CA10: variants seen among roughly 807,000 people sequenced by gnomAD.
The protein encoded by CA10 is carbonic anhydrase 10 (inactive).
CA10 carries 14 observed loss-of-function variants against 44.2 expected under a neutral mutation model. The observed-to-expected ratio is 0.32, with a 90% CI of 0.21 to 0.50. The LOEUF (loss-of-function observed/expected upper bound fraction) is 0.50. CA10 is among the 20% of genes least tolerant of loss of function. CA10 has a pLI of 0.99. For missense variants in CA10, 350 were observed against 409.7 expected, an observed-to-expected ratio of 0.85 and a Z score of 1.26; for synonymous variants, 159 against 141.6, an observed-to-expected ratio of 1.12 and a Z score of -0.87.
At chr17:51,661,946 A>G (rs927586432) in intron 4 of CA10, 10 of 152,226 alleles carry the variant, frequency 6.6e-5, no homozygotes, top group African/African-American at 1.2e-4. Context: ...GCAGTCATGG[A>G]CAAAATATAA....
At chr17:52,020,120 G>T (rs905622826) in intron 2 of CA10, among the ~76,000 whole-genome samples, 9 of 151,862 alleles carry the variant, frequency 5.9e-5, no homozygotes, top group Non-Finnish European at 1.2e-4. Context: ...TATCTTTTTA[G>T]TGGATTGACC....
At chr17:52,134,893 C>T (rs774887176) in intron 1 of CA10, 2 of 518,884 alleles carry the variant, frequency 3.9e-6, no homozygotes, top group East Asian at 5.5e-5. Flanking sequence ...CTCCCTCACC[C>T]CCACCATACA....
At chr17:51,895,130 C>A (rs1437157388) in intron 3 of CA10, among the ~76,000 whole-genome samples, 1 of 151,956 alleles carries the variant, frequency 6.6e-6, no homozygotes, top group Non-Finnish European at 1.5e-5. Flanking sequence ...GACCCTATAC[C>A]ACACTCTTAT....
chr17:51,849,176 CATATATGTATATATATATAT>C (rs1567860259), intron 3 of CA10, among the ~76,000 whole-genome samples: 1,665 of 78,022 alleles, frequency 0.021, 28 homozygotes, highest in Non-Finnish European at 0.028. Flanking sequence ...TATATATATA[CATATATGTATATATATATAT>C]ACATATATGT....
intron 3 of CA10, among the ~76,000 whole-genome samples, chr17:51,790,025 G>T (rs1906451897): frequency 6.6e-6 from 1 of 152,174 alleles, no homozygotes; most frequent in African/African-American, 2.4e-5. Context: ...GCCTTGCTCT[G>T]CTGGGTGAAG....
At chr17:52,076,035 G>A (rs1987809066) in intron 1 of CA10, among the ~76,000 whole-genome samples, 1 of 152,128 alleles carries the variant, frequency 6.6e-6, no homozygotes, top group Non-Finnish European at 1.5e-5. Context: ...CATGCATGTT[G>A]TCAAGACGGC....
intron 3 of CA10, among the ~76,000 whole-genome samples, chr17:51,928,099 T>A (rs1396616102): frequency 6.6e-6 from 1 of 152,166 alleles, no homozygotes; most frequent in African/African-American, 2.4e-5. Flanking sequence ...TTACTAATTT[T>A]GGATACTTGC....
At chr17:51,917,035 G>A (rs1982026953) in intron 3 of CA10, among the ~76,000 whole-genome samples, 1 of 152,072 alleles carries the variant, frequency 6.6e-6, no homozygotes. Context: ...AATTTTGACT[G>A]CAATCAACTC....
At chr17:51,635,780 A>G in intron 7 of CA10, 75 bp downstream of exon 7, 3 of 1,173,970 alleles carry the variant, frequency 2.6e-6, no homozygotes, top group South Asian at 1.7e-5. Flanking sequence ...CTATTATAAT[A>G]GGCACTCCAC....
In CA10 at chr17:51,927,354, G is replaced by C. The variant is rs546411944; in HGVS notation, c.279+3636C>G. Among the ~76,000 whole-genome samples the C allele has an allele frequency of 2.6e-5, 4 of 152,208 alleles. No individual in the cohort carries two copies. In the South Asian group the frequency reaches 8.3e-4, roughly 32 times the overall value. The stretch of plus-strand genomic sequence containing the variant: ...GAACTGAGTTTTGGTTAAAATGATA[G>C]AATCGGCAAGTGGGTTTTAGTCTCA... On this transcript the variant is annotated intron_variant, in intron 3 of 8. Transcript: ENST00000451037.
intron 2 of CA10, among the ~76,000 whole-genome samples, chr17:52,028,180 A>G (rs1464106653): frequency 6.6e-6 from 1 of 152,196 alleles, no homozygotes; most frequent in African/African-American, 2.4e-5. Context: ...CTGTGATGTT[A>G]TTAACAAAAT....
At chr17:51,631,714 T>C in intron 8 of CA10, 108 bp from the exon 9 acceptor site, 1 of 946,718 alleles carries the variant, frequency 1.1e-6, no homozygotes, top group Non-Finnish European at 1.7e-6. Context: ...GGGAAGGGAC[T>C]GTTTTGTAAA....
intron 3 of CA10, among the ~76,000 whole-genome samples, chr17:51,775,954 A>C (rs1247471401): frequency 6.6e-6 from 1 of 152,172 alleles, no homozygotes; most frequent in African/African-American, 2.4e-5. Context: ...AGGTAGGCCA[A>C]TTGTGCAGGA....
At chr17:51,786,524 C>T (rs1906291269) in intron 3 of CA10, among the ~76,000 whole-genome samples, 1 of 152,144 alleles carries the variant, frequency 6.6e-6, no homozygotes, top group African/African-American at 2.4e-5. Context: ...TGCACTGCAG[C>T]CTGCGTGACA....
chr17:51,871,932 C>A (rs1243353674), intron 3 of CA10, among the ~76,000 whole-genome samples: 2 of 152,050 alleles, frequency 1.3e-5, no homozygotes, highest in Non-Finnish European at 2.9e-5. Flanking sequence ...GAAACATGTA[C>A]CTTAAAAGAT....
intron 2 of CA10, among the ~76,000 whole-genome samples, chr17:51,935,827 G>A (rs169388): frequency 0.68 from 103,004 of 151,958 alleles, 35,255 homozygotes; most frequent in Non-Finnish European, 0.71. Flanking sequence ...GGCAACGTCT[G>A]GACAAAAACA....
intron 3 of CA10, among the ~76,000 whole-genome samples, chr17:51,898,416 G>A (rs975378225): frequency 3.3e-5 from 5 of 152,090 alleles, no homozygotes; most frequent in Non-Finnish European, 5.9e-5. Flanking sequence ...TTATCATGAT[G>A]AATTAGTTTT....
At chr17:51,760,653 C>G (rs1029370) in intron 3 of CA10, among the ~76,000 whole-genome samples, 103,514 of 152,120 alleles carry the variant, frequency 0.68, 35,350 homozygotes, top group Admixed American at 0.76. Flanking sequence ...TAAACAGAAT[C>G]ATTTTTAAAA....
intron 4 of CA10, among the ~76,000 whole-genome samples, chr17:51,742,149 G>C (rs140053954): frequency 6.6e-6 from 1 of 152,180 alleles, no homozygotes; most frequent in Non-Finnish European, 1.5e-5. Context: ...AAAGGGGCTT[G>C]GGAAGCTATG....
Sources: gnomAD v4.1 joint callset for allele counts (sites outside exome capture counted in the v4.1 genomes callset) on GRCh38, gnomAD v4.1.1 for gene constraint, MANE v1.5 for transcripts, NCBI Gene and HGNC (gene_info 2026-07-23, HGNC 2026-07-21) for gene names.